Variants in RASGRP1 observed in about 807,000 individuals in gnomAD.
The protein encoded by RASGRP1 is RAS guanyl-releasing protein 1.
RASGRP1 carries 37 observed loss-of-function variants against 95.1 expected under a neutral mutation model. The ratio of observed to expected loss-of-function variants is 0.39; its 90% CI spans 0.30 to 0.51. The LOEUF (loss-of-function observed/expected upper bound fraction) is 0.51, where lower values mean the gene tolerates loss of function less well. Among genes scored for constraint, RASGRP1 ranks in the 20% least tolerant of loss-of-function variants. RASGRP1 has a pLI of 0.80. For synonymous variants in RASGRP1, 325 were observed against 353.4 expected, an observed-to-expected ratio of 0.92 and a Z score of 0.90; for missense variants, 711 against 965.4, an observed-to-expected ratio of 0.74 and a Z score of 3.49.
chr15:38,498,480 G>A (rs1196941857), intron 15 of RASGRP1, among the ~76,000 whole-genome samples: 1 of 152,138 alleles, frequency 6.6e-6, no homozygotes, highest in African/African-American at 2.4e-5. Flanking sequence ...GTTTGGAGCT[G>A]GGGATAGGGT....
chr15:38,496,760 C>T (rs2141080813), intron 15 of RASGRP1, among the ~76,000 whole-genome samples: 1 of 152,176 alleles, frequency 6.6e-6, no homozygotes, highest in South Asian at 2.1e-4. Flanking sequence ...TTTAGGAAGA[C>T]AGAAAATTTT....
chr15:38,512,346 C>T (rs1182080746), intron 7 of RASGRP1, among the ~76,000 whole-genome samples: 1 of 152,128 alleles, frequency 6.6e-6, no homozygotes, highest in Non-Finnish European at 1.5e-5. Context: ...TACTTGTTTT[C>T]CTCTTATAAA....
intron 9 of RASGRP1, among the ~76,000 whole-genome samples, chr15:38,507,388 G>A (rs145223179): frequency 1.3e-5 from 2 of 152,196 alleles, no homozygotes; most frequent in African/African-American, 4.8e-5. Flanking sequence ...CTCTCCATCT[G>A]TTACCAAGAC....
chr15:38,498,700 C>T lies in RASGRP1; in HGVS notation c.1873+94G>A, dbSNP rs1280010333. On this transcript the variant is annotated intron_variant, in intron 15 of 16. Transcript: ENST00000310803. ...CCTAGCTGTTGAGGTTACATTTAAA[C>T]TCAAACACAGAGTCATGAGGTAATC... is the stretch of plus-strand genomic sequence containing the variant. 2.0e-6 allele frequency: 3 copies of T among 1,477,472 alleles called. No homozygotes were observed. In the African/African-American group the frequency reaches 4.2e-5, roughly 21 times the overall value. 91.5% of individuals were successfully genotyped at this position (1,477,472 alleles called of 1,614,324 possible). A position where few individuals can be genotyped will look rare whatever the true frequency, so the allele number is the denominator to read the frequency against.
chr15:38,512,375 A>G (rs1352556744), intron 7 of RASGRP1, among the ~76,000 whole-genome samples: 1 of 152,226 alleles, frequency 6.6e-6, no homozygotes, highest in Non-Finnish European at 1.5e-5. Flanking sequence ...CAAACATTAA[A>G]TGCAGCCATT....
chr15:38,499,309 C>T (rs1890919434), intron 14 of RASGRP1: 1 of 374,994 alleles, frequency 2.7e-6, no homozygotes, highest in African/African-American at 2.1e-5. Flanking sequence ...CTCTCTTTCA[C>T]TCCTGAATTC....
intron 2 of RASGRP1, among the ~76,000 whole-genome samples, chr15:38,550,586 T>G (rs1227587009): frequency 2.6e-5 from 4 of 152,198 alleles, no homozygotes; most frequent in African/African-American, 2.4e-5. Flanking sequence ...AGCAGAATTA[T>G]TTTTAAAAAA....
At position 38,543,666 on chromosome 15, in the gene RASGRP1, C is replaced by T. The variant is rs1253230882; in HGVS notation, c.220+16155G>A. Among the ~76,000 whole-genome samples, 3 of 122,252 alleles carry T rather than the reference C, an allele frequency of 2.5e-5. No homozygotes were observed. In the South Asian group the frequency reaches 7.6e-4, roughly 31 times the overall value. The allele number at this position is 122,252 out of a possible 152,430, so 80.2% of individuals were successfully genotyped here. On this transcript the variant is annotated intron_variant, in intron 2 of 16. Coordinates refer to ENST00000310803, the MANE Select transcript of RASGRP1 (RefSeq NM_005739.4). ...TTTTTTTCTTTTTTTTTTTTTGCAT[C>T]CACTATAGTATTAAGCCCATCCAGT...
chr15:38,532,359 C>T (rs1311285140), intron 2 of RASGRP1, among the ~76,000 whole-genome samples: 1 of 152,160 alleles, frequency 6.6e-6, no homozygotes, highest in Non-Finnish European at 1.5e-5. Flanking sequence ...CATACTCTGC[C>T]ATTTGACTAG....
intron 8 of RASGRP1, among the ~76,000 whole-genome samples, chr15:38,510,554 T>A (rs12595767): frequency 6.6e-6 from 1 of 152,072 alleles, no homozygotes; most frequent in Non-Finnish European, 1.5e-5. Context: ...TTGGAAGGAT[T>A]GGGGCTTGAG....
chr15:38,492,083 A>C (rs893142682), intron 16 of RASGRP1, among the ~76,000 whole-genome samples: 1 of 152,156 alleles, frequency 6.6e-6, no homozygotes, highest in Admixed American at 6.5e-5. Context: ...AGTTCTTTCT[A>C]TTCTACCGAG....
intron 8 of RASGRP1, among the ~76,000 whole-genome samples, chr15:38,510,058 C>T (rs1891440368): frequency 6.6e-6 from 1 of 152,110 alleles, no homozygotes; most frequent in Non-Finnish European, 1.5e-5. Flanking sequence ...AGTGTAACAG[C>T]AAAAATGATA....
intron 6 of RASGRP1, among the ~76,000 whole-genome samples, chr15:38,514,400 C>T (rs1010225044): frequency 3.9e-5 from 6 of 152,122 alleles, no homozygotes; most frequent in Admixed American, 1.3e-4. Flanking sequence ...CCAGTGAATA[C>T]ATTTAATACC....
At chr15:38,542,842 T>TATATACAC (rs1555403771) in intron 2 of RASGRP1, among the ~76,000 whole-genome samples, 1 of 115,304 alleles carries the variant, frequency 8.7e-6, no homozygotes, top group Non-Finnish European at 1.6e-5. Flanking sequence ...TGTGTATATA[T>TATATACAC]ATATATGTGT....
intron 2 of RASGRP1, among the ~76,000 whole-genome samples, chr15:38,546,342 A>G (rs1294578820): frequency 1.3e-5 from 2 of 151,986 alleles, no homozygotes; most frequent in Non-Finnish European, 2.9e-5. Context: ...CTCAGCCTCC[A>G]GAGTATTCTG....
rs909123837 is a variant in RASGRP1 at position 38,509,599 on chromosome 15, G to A, written c.967-1598C>T. On this transcript the variant is annotated intron_variant, in intron 8 of 16. Transcript: ENST00000310803. ...AAATTAACCCGGCGTGGTGGCACAC[G>A]CCTGTAGTCCCAGCTACTTGGGAGC... 6.6e-5 allele frequency among the ~76,000 whole-genome samples: 10 copies of A among 152,210 alleles called. No individual in the cohort carries two copies. In the East Asian group the frequency reaches 1.9e-3, roughly 29 times the overall value.
At chr15:38,554,056 A>G (rs372842220) in intron 2 of RASGRP1, among the ~76,000 whole-genome samples, 1 of 152,204 alleles carries the variant, frequency 6.6e-6, no homozygotes, top group East Asian at 1.9e-4. Flanking sequence ...CTGCTGGCTG[A>G]ATGGCAATCT....
Position 38,542,840 on chromosome 15 carries a change from T to TATATATATGTGTATATATATATAC in RASGRP1, c.221-16437_221-16436insGTATATATATATACACATATATAT, listed in dbSNP as rs1892927999. On this transcript the variant is annotated intron_variant, in intron 2 of 16. Transcript: ENST00000310803. The stretch of plus-strand genomic sequence containing the variant: ...AGATATATACATATATATGTGTATA[T>TATATATATGTGTATATATATATAC]ATATATATGTGTATATATATACACA... Among the ~76,000 whole-genome samples the TATATATATGTGTATATATATATAC allele has an allele frequency of 2.3e-5, 3 of 128,240 alleles. 1 individual carries two copies. Among genetic ancestry groups the TATATATATGTGTATATATATATAC allele is most frequent in the East Asian group, 7.1e-4 (2 of 2,812 alleles). 84.1% of individuals were successfully genotyped at this position (128,240 alleles called of 152,430 possible). A position where few individuals can be genotyped will look rare whatever the true frequency, so the allele number is the denominator to read the frequency against.
rs1178033962 is a variant in RASGRP1, at chr15:38,560,318, AGC to A, written c.36-315_36-314del. On this transcript the variant is annotated intron_variant, in intron 1 of 16. Transcript: ENST00000310803. ...ACTATCTTGGCAGTCCTTAGCTCCC[AGC>A]AATGTATACATTTTTTCAGCTACTA... 7.3e-4 allele frequency: 265 copies of A among 361,316 alleles called. 1 individual carries two copies. The highest frequency in any genetic ancestry group is 5.0e-3 in the African/African-American group (240 of 48,396). The allele number at this position is 361,316 out of a possible 1,614,324, so 22.4% of individuals were successfully genotyped here. A position where few individuals can be genotyped will look rare whatever the true frequency, so the allele number is the denominator to read the frequency against.
Sources: gnomAD v4.1 joint callset for allele counts (sites outside exome capture counted in the v4.1 genomes callset) on GRCh38, gnomAD v4.1.1 for gene constraint, MANE v1.5 for transcripts, NCBI Gene and HGNC (gene_info 2026-07-23, HGNC 2026-07-21) for gene names.